Variants in PLAGL1 observed in about 807,000 individuals in gnomAD.
PLAGL1 encodes zinc finger protein PLAGL1.
In PLAGL1, 1 loss-of-function variant was observed where a neutral mutation model predicts 4.6. The observed-to-expected ratio is 0.22, with a 90% CI of 0.08 to 1.03. The LOEUF (loss-of-function observed/expected upper bound fraction) is 1.03. Ranked by LOEUF, PLAGL1 falls within the 50% of genes least tolerant of loss-of-function variation. The probability of loss-of-function intolerance (pLI) is 0.58; values close to 1 mark genes in which losing one functional copy is unlikely to be tolerated. For missense variants in PLAGL1, 464 were observed against 570.4 expected (o/e 0.81, Z 1.90); for synonymous variants, 240 against 237.8 (o/e 1.01, Z -0.08).
rs544648702 is a variant in PLAGL1 at position 143,970,273 on chromosome 6, T to C, written c.-543-1295A>G. Among the ~76,000 whole-genome samples the C allele has an allele frequency of 6.6e-6, 1 of 152,346 alleles. No homozygotes were observed. Among genetic ancestry groups the C allele is most frequent in the South Asian group, 2.1e-4 (1 of 4,824 alleles). ...CTGAGTTTGGGTTTTTCCTCCTGAA[T>C]TGAGGTTTTTCCTTGCAGAAAAATG... On this transcript the variant is annotated intron_variant, in intron 2 of 7. Transcript: ENST00000674357. This position sits in a 1 kb window ranked among gnomAD's most constrained non-coding sequence, Gnocchi z 5.8.
chr6:144,017,356 T>C (rs1207176032), intron 1 of PLAGL1, among the ~76,000 whole-genome samples: 4 of 149,054 alleles, frequency 2.7e-5, no homozygotes, highest in Non-Finnish European at 6.0e-5. Context: ...CTATTTGCAA[T>C]GACTTCTCCA....
In PLAGL1 at chr6:143,995,459, G is replaced by C. The variant is rs531854147; in HGVS notation, c.-583-10285C>G. On this transcript the variant is annotated intron_variant, in intron 1 of 7. Transcript: ENST00000674357. The surrounding 1 kb of genome is among the most constrained non-coding windows in gnomAD (Gnocchi z 4.4). Reference sequence around the variant, plus strand: ...GGAATAAGTTAAGCCAAGGAAACATGATTCTAAACTACATAATTTAAACAG... The same window carrying C: ...GGAATAAGTTAAGCCAAGGAAACATCATTCTAAACTACATAATTTAAACAG... 6.6e-6 allele frequency among the ~76,000 whole-genome samples: 1 copy of C among 152,230 alleles called. No homozygotes were observed. The highest frequency in any genetic ancestry group is 2.1e-4 in the South Asian group (1 of 4,822).
At chr6:144,012,035 G>T (rs534368967), upstream of PLAGL1, among the ~76,000 whole-genome samples, 4 of 152,152 alleles carry the variant, frequency 2.6e-5, no homozygotes, top group African/African-American at 9.7e-5. This position sits in a 1 kb window ranked among gnomAD's most constrained non-coding sequence, Gnocchi z 4.8. Context: ...GTCTTGCAGC[G>T]GTGGGTGGAG....
At chr6:144,019,643 A>G (rs534373048) in intron 1 of PLAGL1, among the ~76,000 whole-genome samples, 1 of 152,258 alleles carries the variant, frequency 6.6e-6, no homozygotes, top group South Asian at 2.1e-4. Context: ...TAGTTAAACA[A>G]TCATAAATCT....
rs1024904855 is a variant in PLAGL1 at position 144,005,405 on chromosome 6, T to C, written c.-584+2685A>G. ...AACAGCCTGGAAATAAGCCCAAACA[T>C]ATCTGGGTACTGTATGTGACAGAAG... On this transcript the variant is annotated intron_variant, in intron 1 of 7. Transcript: ENST00000674357. The surrounding 1 kb of genome is among the most constrained non-coding windows in gnomAD (Gnocchi z 4.6). The C allele has an allele frequency of 1.1e-4, 17 of 152,098 alleles. No individual in the cohort carries two copies. Among genetic ancestry groups the C allele is most frequent in the African/African-American group, 4.1e-4 (17 of 41,410 alleles). 9.4% of individuals were successfully genotyped at this position (152,098 alleles called of 1,614,324 possible). A position where few individuals can be genotyped will look rare whatever the true frequency, so the allele number is the denominator to read the frequency against.
intron 1 of PLAGL1, among the ~76,000 whole-genome samples, chr6:143,992,185 G>A (rs1192471898): frequency 3.9e-5 from 6 of 152,128 alleles, no homozygotes; most frequent in African/African-American, 1.4e-4. Flanking sequence ...AGTTAGGAGG[G>A]GCATGAGATT....
chr6:144,046,640 G>T (rs1798174873), intron 1 of PLAGL1, among the ~76,000 whole-genome samples: 1 of 152,216 alleles, frequency 6.6e-6, no homozygotes, highest in Non-Finnish European at 1.5e-5. Flanking sequence ...AGGCTACACG[G>T]GGGTCAGGGA....
rs528363859 is a variant in PLAGL1 at position 143,974,762 on chromosome 6, T to C, written c.-543-5784A>G. Among the ~76,000 whole-genome samples, 4 of 152,306 alleles carry C rather than the reference T, an allele frequency of 2.6e-5. No individual in the cohort carries two copies. The East Asian group carries it at 7.7e-4, about 29-fold the overall frequency. ...TGAAATAACCATTCCTCAAAAACTA[T>C]GTATCTCATCAAAGAAACCTAGGCT... On this transcript the variant is annotated intron_variant, in intron 2 of 7. Coordinates refer to ENST00000674357, the MANE Select transcript of PLAGL1 (RefSeq NM_001317162.2).
chr6:143,993,425 G>T (rs1228568850), intron 1 of PLAGL1, among the ~76,000 whole-genome samples: 1 of 151,364 alleles, frequency 6.6e-6, no homozygotes, highest in South Asian at 2.1e-4. Context: ...TTTCAAGAAA[G>T]AGCTGAGCTT....
At chr6:144,044,204 T>C (rs1797954161) in intron 1 of PLAGL1, among the ~76,000 whole-genome samples, 1 of 152,232 alleles carries the variant, frequency 6.6e-6, no homozygotes, top group African/African-American at 2.4e-5. Flanking sequence ...CTTAGTTATT[T>C]CTTGCCTTCT....
intron 1 of PLAGL1, among the ~76,000 whole-genome samples, chr6:143,998,140 C>T (rs537571241): frequency 3.9e-4 from 60 of 152,254 alleles, no homozygotes; most frequent in Non-Finnish European, 6.9e-4. Context: ...AAACCTTATT[C>T]ATTAGTATCA....
chr6:143,944,180 C>T (rs749182250), intron 7 of PLAGL1, among the ~76,000 whole-genome samples: 6 of 152,048 alleles, frequency 3.9e-5, no homozygotes, highest in Non-Finnish European at 7.4e-5. Flanking sequence ...CAACTCATTC[C>T]GTAAAAGAGA....
At chr6:144,002,368 G>A (rs1469462875) in intron 1 of PLAGL1, among the ~76,000 whole-genome samples, 1 of 152,064 alleles carries the variant, frequency 6.6e-6, no homozygotes, top group Non-Finnish European at 1.5e-5. Context: ...TGAGGAAAAG[G>A]CAAGGATATC....
In PLAGL1 at chr6:144,005,033, A is replaced by C. The variant is rs1470150358; in HGVS notation, c.-584+3057T>G. 2 of 150,648 alleles carry C rather than the reference A, an allele frequency of 1.3e-5. No homozygotes were observed. Among genetic ancestry groups the C allele is most frequent in the Non-Finnish European group, 3.0e-5 (2 of 67,706 alleles). 9.3% of individuals were successfully genotyped at this position (150,648 alleles called of 1,614,324 possible). A position where few individuals can be genotyped will look rare whatever the true frequency, so the allele number is the denominator to read the frequency against. ...CTATATATAAAGTGTATGTGTATAT[A>C]TTATATATATACACACACCTACATA... is the stretch of plus-strand genomic sequence containing the variant. On this transcript the variant is annotated intron_variant, in intron 1 of 7. Transcript: ENST00000674357. This position sits in a 1 kb window ranked among gnomAD's most constrained non-coding sequence, Gnocchi z 4.6.
In PLAGL1 at chr6:143,954,808, T is replaced by C. The variant is rs1781784679; in HGVS notation, c.-325+5661A>G. On this transcript the variant is annotated intron_variant, in intron 6 of 7. Coordinates refer to ENST00000674357, the MANE Select transcript of PLAGL1 (RefSeq NM_001317162.2). The surrounding 1 kb of genome is among the most constrained non-coding windows in gnomAD (Gnocchi z 5.1). ...TTATTTATTTGCAGAGGAATGTCGA[T>C]ATAGAAAATCCCAAAGAATCCACAC... Among the ~76,000 whole-genome samples the C allele has an allele frequency of 6.6e-6, 1 of 152,186 alleles. No homozygotes were observed. The highest frequency in any genetic ancestry group is 1.5e-5 in the Non-Finnish European group (1 of 68,020).
rs1448832517 is a variant in PLAGL1, at chr6:143,989,182, T to C, written c.-583-4008A>G. ...GTGTCTGGGGGTGCCCCAGGGGACA[T>C]TAAAAACGCACAGAAACAATAGAGT... is the stretch of plus-strand genomic sequence containing the variant. On this transcript the variant is annotated intron_variant, in intron 1 of 7. Transcript: ENST00000674357. The surrounding 1 kb of genome is among the most constrained non-coding windows in gnomAD (Gnocchi z 4.8). Among the ~76,000 whole-genome samples, 1 of 152,070 alleles carries C rather than the reference T, an allele frequency of 6.6e-6. No individual in the cohort carries two copies. The highest frequency in any genetic ancestry group is 1.5e-5 in the Non-Finnish European group (1 of 68,012).
At chr6:144,054,624 C>T (rs1250472933) in intron 1 of PLAGL1, among the ~76,000 whole-genome samples, 2 of 152,070 alleles carry the variant, frequency 1.3e-5, no homozygotes, top group Admixed American at 1.3e-4. Context: ...GGAGGGAGAG[C>T]ATTAAGACAA....
rs933908307 is a variant in PLAGL1 at position 143,940,760 on chromosome 6, A to ACAAC, written c.*660_*663dup. The ACAAC allele has an allele frequency of 3.3e-5, 5 of 150,640 alleles. No homozygotes were observed. The highest frequency in any genetic ancestry group is 2.7e-4 in the Admixed American group (4 of 15,054). The allele number at this position is 150,640 out of a possible 1,614,324, so 9.3% of individuals were successfully genotyped here. A position where few individuals can be genotyped will look rare whatever the true frequency, so the allele number is the denominator to read the frequency against. ...TTTTTTTTTCTGTCAGATGTAACTG[A>ACAAC]CAACCAGTTTAGTCTTTCTTTAAGA... On this transcript the variant is annotated 3_prime_UTR_variant, in exon 8 of 8. Coordinates refer to ENST00000674357, the MANE Select transcript of PLAGL1 (RefSeq NM_001317162.2).
Position 143,985,984 on chromosome 6 carries a change from A to ATT in PLAGL1, c.-583-811_-583-810insAA, listed in dbSNP as rs1789017945. 1.9e-5 allele frequency among the ~76,000 whole-genome samples: 1 copy of ATT among 51,318 alleles called. No individual in the cohort carries two copies. The allele number at this position is 51,318 out of a possible 152,430, so 33.7% of individuals were successfully genotyped here. A position where few individuals can be genotyped will look rare whatever the true frequency, so the allele number is the denominator to read the frequency against. On this transcript the variant is annotated intron_variant, in intron 1 of 7. Transcript: ENST00000674357. This position sits in a 1 kb window ranked among gnomAD's most constrained non-coding sequence, Gnocchi z 4.4. The stretch of plus-strand genomic sequence containing the variant: ...TATCAAATTATATATATATAAAATT[A>ATT]TATATATATATATATATATATATAT...
Sources: gnomAD v4.1 joint callset for allele counts (sites outside exome capture counted in the v4.1 genomes callset) on GRCh38, gnomAD v4.1.1 for gene constraint, Gnocchi (gnomAD v3.1) non-coding constraint, MANE v1.5 for transcripts, NCBI Gene and HGNC (gene_info 2026-07-23, HGNC 2026-07-21) for gene names.